Variants in GABRR1 observed in about 807,000 individuals in gnomAD.
GABRR1 encodes the protein gamma-aminobutyric acid type A receptor subunit rho1.
GABRR1 carries 59 observed loss-of-function variants against 55.5 expected under a neutral mutation model. The observed-to-expected ratio is 1.06, with a 90% CI of 0.86 to 1.32. The LOEUF (loss-of-function observed/expected upper bound fraction) is 1.32. Among genes scored for constraint, GABRR1 ranks in the 40% most tolerant of loss-of-function variants. GABRR1 has a pLI of 0.00. For missense variants in GABRR1, 602 were observed against 619.1 expected, an observed-to-expected ratio of 0.97 and a Z score of 0.29; for synonymous variants, 213 against 226.0, an observed-to-expected ratio of 0.94 and a Z score of 0.51.
At chr6:89,218,313 T>A (rs1468123452), upstream of GABRR1, among the ~76,000 whole-genome samples, 2 of 152,166 alleles carry the variant, frequency 1.3e-5, no homozygotes, top group African/African-American at 2.4e-5. Flanking sequence ...TCCAATAGAA[T>A]GAGAATTAAT....
intron 1 of GABRR1, among the ~76,000 whole-genome samples, chr6:89,208,705 C>T (rs556071559): frequency 3.2e-4 from 49 of 152,348 alleles, no homozygotes; most frequent in African/African-American, 1.2e-3. Context: ...GCTGGTCTGC[C>T]CTGCAGATCT....
chr6:89,212,657 GTTATTTAT>G (rs6149685), intron 1 of GABRR1, among the ~76,000 whole-genome samples: 78,959 of 148,930 alleles, frequency 0.53, 21,223 homozygotes, highest in Middle Eastern at 0.61. Flanking sequence ...TAAGTTTTGG[GTTATTTAT>G]TTATTTATTT....
chr6:89,177,987 C>T lies in GABRR1; in HGVS notation c.*783G>A, dbSNP rs1378094039. 2 of 152,058 alleles carry T rather than the reference C, an allele frequency of 1.3e-5. No homozygotes were observed. Among genetic ancestry groups the T allele is most frequent in the Non-Finnish European group, 2.9e-5 (2 of 68,018 alleles). The allele number at this position is 152,058 out of a possible 1,614,324, so 9.4% of individuals were successfully genotyped here. A position where few individuals can be genotyped will look rare whatever the true frequency, so the allele number is the denominator to read the frequency against. On this transcript the variant is annotated 3_prime_UTR_variant, in exon 10 of 10. Coordinates refer to ENST00000454853, the MANE Select transcript of GABRR1 (RefSeq NM_002042.5). ...ACTTCTCTTTGAACAAGGACATGCT[C>T]CAAGAAGAAGAAACATGAAGTGGTG... is the stretch of plus-strand genomic sequence containing the variant.
chr6:89,194,958 T>C (rs1203443230), intron 5 of GABRR1, among the ~76,000 whole-genome samples: 1 of 151,980 alleles, frequency 6.6e-6, no homozygotes, highest in East Asian at 1.9e-4. Context: ...CAGCAAGGGG[T>C]GGAAAGCTTA....
chr6:89,178,851 G>A lies in GABRR1; in HGVS notation c.1359C>T (p.His453=), dbSNP rs369187638. Residue 453 remains histidine, a synonymous_variant, in exon 10 of 10, where the codon CAC becomes CAT. Transcript: ENST00000454853. The part of the protein sequence containing the change: ...SSYVSMRIDT[H]AIDKYSRIIF... ...TGATCCTGGAGTATTTATCAATGGC[G>A]TGGGTGTCGATTCTCATGCTCACAT... The A allele has an allele frequency of 1.8e-5, 29 of 1,613,938 alleles. No homozygotes were observed. The Middle Eastern group carries it at 4.9e-4, about 27-fold the overall frequency.
chr6:89,183,906 T>A (rs1771809701), intron 7 of GABRR1, among the ~76,000 whole-genome samples: 1 of 152,038 alleles, frequency 6.6e-6, no homozygotes, highest in African/African-American at 2.4e-5. Context: ...AACTACCCAT[T>A]GGGTACAATG....
intron 1 of GABRR1, among the ~76,000 whole-genome samples, chr6:89,203,835 G>A (rs1375449375): frequency 6.6e-6 from 1 of 152,160 alleles, no homozygotes; most frequent in East Asian, 1.9e-4. Context: ...CCCTCATTAC[G>A]GAGAGTAACA....
chr6:89,178,542 T>A lies in GABRR1; in HGVS notation c.*228A>T. 5.5e-6 allele frequency: 3 copies of A among 549,384 alleles called. No individual in the cohort carries two copies. Among genetic ancestry groups the A allele is most frequent in the Non-Finnish European group, 6.5e-6 (2 of 307,886 alleles). 34.0% of individuals were successfully genotyped at this position (549,384 alleles called of 1,614,324 possible). A position where few individuals can be genotyped will look rare whatever the true frequency, so the allele number is the denominator to read the frequency against. ...ACATCAGTCGCTACAGTGTCGTATT[T>A]CCTGCAGCACCTAATATAATGCTGT... On this transcript the variant is annotated 3_prime_UTR_variant, in exon 10 of 10. Coordinates refer to ENST00000454853, the MANE Select transcript of GABRR1 (RefSeq NM_002042.5).
chr6:89,196,881 G>GAAAGAAAGA (rs57085890), intron 5 of GABRR1, among the ~76,000 whole-genome samples: 1 of 95,230 alleles, frequency 1.1e-5, no homozygotes, highest in Non-Finnish European at 2.3e-5. Context: ...GAAAGAAAGA[G>GAAAGAAAGA]AAGAGAAGAA....
chr6:89,230,706 CTG>C (rs1212809360), intron 1 of GABRR1, among the ~76,000 whole-genome samples: 1 of 151,394 alleles, frequency 6.6e-6, no homozygotes, highest in Non-Finnish European at 1.5e-5. Flanking sequence ...GAGGTTACTG[CTG>C]TCTTTTTGTT....
upstream of GABRR1, chr6:89,217,436 C>A (rs1268978145): frequency 8.0e-6 from 9 of 1,128,322 alleles, no homozygotes; most frequent in African/African-American, 4.8e-5. Context: ...TTTACTCATG[C>A]AAAAAAAAAA....
Position 89,178,551 on chromosome 6 carries a change from A to T in GABRR1, c.*219T>A. On this transcript the variant is annotated 3_prime_UTR_variant, in exon 10 of 10. Transcript: ENST00000454853. ...GCTACAGTGTCGTATTTCCTGCAGC[A>T]CCTAATATAATGCTGTGTATTCAAT... 1 of 565,096 alleles carries T rather than the reference A, an allele frequency of 1.8e-6. No homozygotes were observed. Among genetic ancestry groups the T allele is most frequent in the Non-Finnish European group, 3.1e-6 (1 of 317,564 alleles). The allele number at this position is 565,096 out of a possible 1,614,324, so 35.0% of individuals were successfully genotyped here.
chr6:89,229,120 T>C (rs1236002629), intron 1 of GABRR1, among the ~76,000 whole-genome samples: 1 of 152,188 alleles, frequency 6.6e-6, no homozygotes, highest in East Asian at 1.9e-4. Context: ...GCTTGGTAGA[T>C]CTTCCTCCAT....
rs749703713 is a variant in GABRR1 at position 89,189,844 on chromosome 6, A to G, written c.655+321T>C. ...AGGTGGTCACAAGGTCAGGCGTTGGAGATCAGCCTGGTCAACATAGTGAAA... is the reference window on the plus strand; with the variant it reads ...AGGTGGTCACAAGGTCAGGCGTTGGGGATCAGCCTGGTCAACATAGTGAAA... On this transcript the variant is annotated intron_variant, in intron 6 of 9. Transcript: ENST00000454853. Among the ~76,000 whole-genome samples the G allele has an allele frequency of 2.2e-4, 34 of 152,274 alleles. 1 individual carries two copies. The Middle Eastern group carries it at 0.014, about 61-fold the overall frequency.
At chr6:89,187,051 CAGG>C (rs1301809509) in intron 6 of GABRR1, among the ~76,000 whole-genome samples, 2 of 152,098 alleles carry the variant, frequency 1.3e-5, no homozygotes, top group Non-Finnish European at 2.9e-5. Context: ...TGCCAGTGTT[CAGG>C]AGGAGTGTAG....
At chr6:89,225,601 T>A (rs2127812599) in intron 1 of GABRR1, among the ~76,000 whole-genome samples, 2 of 130,674 alleles carry the variant, frequency 1.5e-5, no homozygotes, top group African/African-American at 6.0e-5. Context: ...AACTCATCAT[T>A]TTTTATGGCT....
At chr6:89,188,010 G>A (rs1771965944) in intron 6 of GABRR1, among the ~76,000 whole-genome samples, 1 of 151,156 alleles carries the variant, frequency 6.6e-6, no homozygotes, top group South Asian at 2.1e-4. Context: ...TGGATCATAT[G>A]TTCTTAATTT....
intron 1 of GABRR1, among the ~76,000 whole-genome samples, chr6:89,228,789 T>C (rs1773236409): frequency 6.6e-6 from 1 of 151,952 alleles, no homozygotes; most frequent in South Asian, 2.1e-4. Flanking sequence ...GTCCGCTTAG[T>C]GCAGAGCTGA....
At chr6:89,219,178 A>G (rs2127810358), upstream of GABRR1, among the ~76,000 whole-genome samples, 1 of 152,306 alleles carries the variant, frequency 6.6e-6, no homozygotes, top group South Asian at 2.1e-4. Context: ...AGACAGGAGA[A>G]TCGCTTGAAC....
Sources: gnomAD v4.1 joint callset for allele counts (sites outside exome capture counted in the v4.1 genomes callset) on GRCh38, gnomAD v4.1.1 for gene constraint, MANE v1.5 for transcripts, NCBI Gene and HGNC (gene_info 2026-07-23, HGNC 2026-07-21) for gene names.